Variants in SMIM14 observed in about 807,000 individuals in gnomAD.
SMIM14 encodes chromosome 4 open reading frame 34.
SMIM14 carries 5 observed loss-of-function variants against 12.6 expected under a neutral mutation model. The ratio of observed to expected loss-of-function variants is 0.40; its 90% CI spans 0.21 to 0.83. SMIM14 has a LOEUF of 0.83. Among genes scored for constraint, SMIM14 ranks in the 40% least tolerant of loss-of-function variants. SMIM14 has a pLI of 0.37. For missense variants in SMIM14, 86 were observed against 119.1 expected (o/e 0.72, Z 1.29); for synonymous variants, 30 against 40.1 (o/e 0.75, Z 0.95).
At chr4:39,630,238 A>C (rs1560311545) in intron 1 of SMIM14, among the ~76,000 whole-genome samples, 1 of 152,012 alleles carries the variant, frequency 6.6e-6, no homozygotes, top group Non-Finnish European at 1.5e-5. Flanking sequence ...TCTACAAAAA[A>C]CTTTAATAAT....
chr4:39,633,219 G>A (rs1003084138), intron 1 of SMIM14, among the ~76,000 whole-genome samples: 3 of 151,710 alleles, frequency 2.0e-5, no homozygotes, highest in Non-Finnish European at 4.4e-5. Context: ...GCTTGAACCC[G>A]GGAGGCAGAG....
At chr4:39,585,020 G>T (rs945011254) in intron 2 of SMIM14, among the ~76,000 whole-genome samples, 1 of 151,668 alleles carries the variant, frequency 6.6e-6, no homozygotes, top group Non-Finnish European at 1.5e-5. Context: ...AACCAAAAAT[G>T]ATGCAATTTA....
intron 2 of SMIM14, among the ~76,000 whole-genome samples, chr4:39,596,206 C>T (rs1317245376): frequency 2.0e-5 from 3 of 152,092 alleles, no homozygotes; most frequent in Non-Finnish European, 4.4e-5. Context: ...AGCGATTCTC[C>T]TGCCTCAGCC....
At chr4:39,605,679 T>C (rs555237614) in intron 1 of SMIM14, among the ~76,000 whole-genome samples, 1 of 152,330 alleles carries the variant, frequency 6.6e-6, no homozygotes, top group Admixed American at 6.5e-5. Context: ...CCAGATTTAC[T>C]GTTCTGCCTA....
chr4:39,607,558 T>A lies in SMIM14; in HGVS notation c.-35-2378A>T, dbSNP rs116735806. 8.5e-3 allele frequency among the ~76,000 whole-genome samples: 1,294 copies of A among 152,064 alleles called. 5 individuals are homozygous for A. Among genetic ancestry groups the A allele is most frequent in the South Asian group, 0.033 (158 of 4,808 alleles). On this transcript the variant is annotated intron_variant, in intron 1 of 4. Coordinates refer to ENST00000295958, the MANE Select transcript of SMIM14 (RefSeq NM_174921.3). ...TCACTTGAGCTCAGGAGTTCAAGAATAGCCTGAGCAACATAGTGAGACCTC... is the reference window on the plus strand; with the variant it reads ...TCACTTGAGCTCAGGAGTTCAAGAAAAGCCTGAGCAACATAGTGAGACCTC...
At chr4:39,572,292 T>TTC (rs1375302759) in intron 3 of SMIM14, 123 bp downstream of exon 3, 2 of 225,466 alleles carry the variant, frequency 8.9e-6, no homozygotes, top group African/African-American at 5.0e-5. Context: ...TTTTTTTTTT[T>TTC]TTTTTTTTTT....
At chr4:39,620,254 C>G (rs989316061) in intron 1 of SMIM14, among the ~76,000 whole-genome samples, 2 of 151,460 alleles carry the variant, frequency 1.3e-5, no homozygotes, top group East Asian at 3.9e-4. Context: ...CCGAGGCGGG[C>G]GGATCACGAG....
chr4:39,574,076 T>G (rs901363716), intron 2 of SMIM14, among the ~76,000 whole-genome samples: 3 of 152,096 alleles, frequency 2.0e-5, no homozygotes, highest in Non-Finnish European at 1.5e-5. Context: ...GGCATATAAC[T>G]TTCCAAGTTA....
intron 2 of SMIM14, among the ~76,000 whole-genome samples, chr4:39,576,684 A>ATAT (rs1560289781): frequency 3.1e-4 from 8 of 25,552 alleles, no homozygotes; most frequent in Non-Finnish European, 4.7e-4. Context: ...ATATATATAT[A>ATAT]TTTTTTTTTT....
In SMIM14 at chr4:39,556,707, C is replaced by T. The variant is rs187732348; in HGVS notation, c.125-137G>A. ...TAAATTACAAAAGTACATATTATAT[C>T]TTCAATTTCCCTTTCCCCCAGTGAG... is the stretch of plus-strand genomic sequence containing the variant. On this transcript the variant is annotated intron_variant, in intron 3 of 4. Coordinates refer to ENST00000295958, the MANE Select transcript of SMIM14 (RefSeq NM_174921.3). 3.7e-6 allele frequency: 3 copies of T among 803,916 alleles called. No homozygotes were observed. The East Asian group carries it at 8.9e-5, about 24-fold the overall frequency. 49.8% of individuals were successfully genotyped at this position (803,916 alleles called of 1,614,324 possible).
intron 2 of SMIM14, 130 bp from the exon 3 acceptor site, chr4:39,572,593 G>A: frequency 2.9e-6 from 2 of 695,728 alleles, no homozygotes; most frequent in Non-Finnish European, 5.0e-6. Context: ...AGGCTGAGGT[G>A]GGTGGATTGT....
chr4:39,611,930 A>G (rs1455665247), intron 1 of SMIM14: 3 of 152,160 alleles, frequency 2.0e-5, no homozygotes, highest in African/African-American at 7.2e-5. Flanking sequence ...AAACAGGGCA[A>G]ACCTTTCCAT....
intron 1 of SMIM14, among the ~76,000 whole-genome samples, chr4:39,631,242 G>C (rs1715883583): frequency 6.6e-6 from 1 of 150,588 alleles, no homozygotes; most frequent in Admixed American, 6.6e-5. Flanking sequence ...TGAGGCACAA[G>C]AATCGCTTGA....
At chr4:39,614,160 G>A (rs1460342593) in intron 1 of SMIM14, among the ~76,000 whole-genome samples, 1 of 141,920 alleles carries the variant, frequency 7.0e-6, no homozygotes, top group East Asian at 2.1e-4. Flanking sequence ...ACTCCAGCCT[G>A]GGCAACAAGA....
At chr4:39,610,894 C>T (rs1195442697) in intron 1 of SMIM14, among the ~76,000 whole-genome samples, 2 of 151,828 alleles carry the variant, frequency 1.3e-5, no homozygotes, top group South Asian at 4.1e-4. Context: ...AAGAAGATGA[C>T]TGGGATACAT....
rs1711882544 is a variant in SMIM14, at chr4:39,554,186, A to C, written c.268-2028T>G. 2.0e-5 allele frequency among the ~76,000 whole-genome samples: 3 copies of C among 152,178 alleles called. 1 individual carries two copies. In the South Asian group the frequency reaches 6.2e-4, roughly 31 times the overall value. ...AGTGGGATAATTTGGTATACAAGTGAATCTGGCCGGGCATGGTGGCTCATG... is the reference window on the plus strand; with the variant it reads ...AGTGGGATAATTTGGTATACAAGTGCATCTGGCCGGGCATGGTGGCTCATG... On this transcript the variant is annotated intron_variant, in intron 4 of 4. Transcript: ENST00000295958.
Position 39,547,932 on chromosome 4 carries a change from T to C in SMIM14, c.*4194A>G. The C allele has an allele frequency of 6.8e-6, 1 of 147,854 alleles. No homozygotes were observed. Among genetic ancestry groups the C allele is most frequent in the East Asian group, 2.0e-4 (1 of 5,096 alleles). The allele number at this position is 147,854 out of a possible 1,614,324, so 9.2% of individuals were successfully genotyped here. ...TTTTTTTTTTTTTTTTGAGACGGAG[T>C]TTCACTCTTGTTGCCCAGGCTGGAG... On this transcript the variant is annotated 3_prime_UTR_variant, in exon 5 of 5. Coordinates refer to ENST00000295958, the MANE Select transcript of SMIM14 (RefSeq NM_174921.3).
chr4:39,586,191 C>A (rs1455687799), intron 2 of SMIM14, among the ~76,000 whole-genome samples: 1 of 152,020 alleles, frequency 6.6e-6, no homozygotes, highest in African/African-American at 2.4e-5. Context: ...TGTGGACAGG[C>A]TGAGAATTTT....
chr4:39,630,632 C>T (rs1324379250), intron 1 of SMIM14, among the ~76,000 whole-genome samples: 1 of 152,114 alleles, frequency 6.6e-6, no homozygotes, highest in Non-Finnish European at 1.5e-5. Context: ...GAAGCCAAGG[C>T]AGGCGAATCA....
Sources: gnomAD v4.1 joint callset for allele counts (sites outside exome capture counted in the v4.1 genomes callset) on GRCh38, gnomAD v4.1.1 for gene constraint, MANE v1.5 for transcripts, NCBI Gene and HGNC (gene_info 2026-07-23, HGNC 2026-07-21) for gene names.